The following GDPD2 variants were observed in gnomAD, a reference collection of about 807,000 sequenced individuals.
GDPD2 encodes the protein glycerophosphodiester phosphodiesterase 3.
A neutral mutation model predicts 49.2 loss-of-function variants in GDPD2; 23 were observed. That is an observed-to-expected ratio of 0.47 (90% CI 0.34 to 0.66). GDPD2 has a LOEUF of 0.66. Ranked by LOEUF, GDPD2 falls within the 30% of genes least tolerant of loss-of-function variation. GDPD2 has a pLI of 0.01. For missense variants in GDPD2, 338 were observed against 424.7 expected, an observed-to-expected ratio of 0.80 and a Z score of 1.79; for synonymous variants, 167 against 171.4, an observed-to-expected ratio of 0.97 and a Z score of 0.20.
chrX:70,430,952 ATTT>A (rs557583589), intron 12 of GDPD2: 2,435 of 366,389 alleles, frequency 6.6e-3, no homozygotes, highest in East Asian at 9.1e-3. Flanking sequence ...ATGCAAGGCT[ATTT>A]TTTTTTTTTT....
At chrX:70,430,952 ATTTT>A (rs557583589) in intron 12 of GDPD2, 237 of 375,841 alleles carry the variant, frequency 6.3e-4, no homozygotes, top group Admixed American at 9.6e-4. Context: ...ATGCAAGGCT[ATTTT>A]TTTTTTTTTT....
At chrX:70,428,545 CTT>C (rs2086447557) in intron 10 of GDPD2, among the ~76,000 whole-genome samples, 1 of 112,233 alleles carries the variant, frequency 8.9e-6, no homozygotes, top group African/African-American at 3.2e-5. Context: ...TACACAGACT[CTT>C]TTGCAATTTG....
In GDPD2 at chrX:70,425,790, G is replaced by T. The variant is rs761340605; in HGVS notation, c.237G>T (p.Trp79Cys). The change falls in exon 4 of 16, where the codon TGG becomes TGT. Residue 79 changes from tryptophan (W) to cysteine (C), a missense_variant. This residue lies in a region of GDPD2 where 75 missense variants were observed against 67.6 expected (regional missense o/e 1.11). Transcript: ENST00000374382. Reference protein sequence around the residue: ...NEFLFRRWGHWMDWSLAFLLV... With the variant: ...NEFLFRRWGHCMDWSLAFLLV... ...TCCTCTTCCGCCGCTGGGGACACTGGATGGACTGGTCCCTGGCATTCCTGC... is the reference window on the plus strand; with the variant it reads ...TCCTCTTCCGCCGCTGGGGACACTGTATGGACTGGTCCCTGGCATTCCTGC... 8.4e-7 allele frequency: 1 copy of T among 1,193,552 alleles called. No homozygotes were observed. The highest frequency in any genetic ancestry group is 1.1e-6 in the Non-Finnish European group (1 of 881,345).
At position 70,432,410 on chromosome X, in the gene GDPD2, G is replaced by A. The variant is rs1407642600; in HGVS notation, c.1411G>A (p.Asp471Asn). 19 of 1,208,914 alleles carry A rather than the reference G, an allele frequency of 1.6e-5. No homozygotes were observed. Among genetic ancestry groups the A allele is most frequent in the Admixed American group, 8.7e-5 (4 of 45,790 alleles). ...CAGVDSVTTN[D>N]CQLLQQMRYP... ...AGGGGTGGATTCGGTCACCACCAAC[G>A]ACTGCCAGCTGCTGCAGCAGATGCG... The change falls in exon 13 of 16, where the codon GAC becomes AAC. Residue 471 changes from aspartate (D) to asparagine (N), a missense_variant. Coordinates refer to ENST00000374382, the MANE Select transcript of GDPD2 (RefSeq NM_017711.4).
At chrX:70,429,336 T>C (rs779992828) in intron 10 of GDPD2, among the ~76,000 whole-genome samples, 157 bp from the exon 11 acceptor site, 1 of 110,705 alleles carries the variant, frequency 9.0e-6, no homozygotes, top group East Asian at 2.9e-4. Flanking sequence ...AGTAAGATGG[T>C]AGACGGTCTG....
In GDPD2 at chrX:70,428,092, T is replaced by TACACAC. The variant is rs10578514; in HGVS notation, c.936+652_936+657dup. On this transcript the variant is annotated intron_variant, in intron 10 of 15. Coordinates refer to ENST00000374382, the MANE Select transcript of GDPD2 (RefSeq NM_017711.4). ...GAAATATTCACTGTTAACAGTTGGA[T>TACACAC]ACACACACACACACACACACACACA... Among the ~76,000 whole-genome samples, 12 of 106,231 alleles carry TACACAC rather than the reference T, an allele frequency of 1.1e-4. 1 individual carries two copies. The South Asian group carries it at 2.2e-3, about 19-fold the overall frequency. The allele number at this position is 106,231 out of a possible 115,157, so 92.2% of individuals were successfully genotyped here.
In GDPD2 at chrX:70,427,363, C is replaced by T; in HGVS notation, c.836C>T (p.Thr279Met). ...CATGATGAGCACCTCAGCAGGACCA[C>T]GAATGTAGCCTCTGTATTCCCAACC... ...LMHDEHLSRTTNVASVFPTRI... is the reference protein window; with the variant it reads ...LMHDEHLSRTMNVASVFPTRI... The change falls in exon 10 of 16, where the codon ACG becomes ATG. Residue 279 changes from threonine (T) to methionine (M), a missense_variant. Around this residue, in one of 3 missense-constraint regions of GDPD2, gnomAD observed 253 missense variants for 330.4 expected, o/e 0.77. Transcript: ENST00000374382. The T allele has an allele frequency of 3.3e-6, 4 of 1,208,440 alleles. No individual in the cohort carries two copies. Among genetic ancestry groups the T allele is most frequent in the Non-Finnish European group, 4.5e-6 (4 of 892,781 alleles).
chrX:70,430,950 CTATT>C, intron 12 of GDPD2: 1 of 427,153 alleles, frequency 2.3e-6, no homozygotes, highest in African/African-American at 2.6e-5. Context: ...CTATGCAAGG[CTATT>C]TTTTTTTTTT....
chrX:70,432,322 T>C lies in GDPD2; in HGVS notation c.1323T>C (p.Asp441=). 8.3e-7 allele frequency: 1 copy of C among 1,207,849 alleles called. No homozygotes were observed. Among genetic ancestry groups the C allele is most frequent in the East Asian group, 3.0e-5 (1 of 33,824 alleles). Residue 441 remains aspartate, a synonymous_variant, in exon 13 of 16, where the codon GAT becomes GAC. Transcript: ENST00000374382. ...PLLDIKALHK[D]NVSVNLFVVN... is the part of the protein sequence containing the mutation. ...ACCTTCACAGGGCATTGCATAAGGA[T>C]AATGTCTCGGTGAACCTATTTGTAG...
At position 70,432,323 on chromosome X, in the gene GDPD2, A is replaced by G; in HGVS notation, c.1324A>G (p.Asn442Asp). 1.7e-6 allele frequency: 2 copies of G among 1,207,219 alleles called. No homozygotes were observed. The highest frequency in any genetic ancestry group is 2.2e-6 in the Non-Finnish European group (2 of 892,081). ...CCTTCACAGGGCATTGCATAAGGAT[A>G]ATGTCTCGGTGAACCTATTTGTAGT... ...LLDIKALHKD[N>D]VSVNLFVVNK... Residue 442 changes from asparagine to aspartate, a missense_variant, in exon 13 of 16, where the codon AAT becomes GAT. Physicochemically the swap from Asn to Asp is conservative, Grantham distance 23 (BLOSUM62 1). Around this residue, in one of 3 missense-constraint regions of GDPD2, gnomAD observed 253 missense variants for 330.4 expected, o/e 0.77. Transcript: ENST00000374382.
intron 3 of GDPD2, 49 bp downstream of exon 3, chrX:70,425,506 C>T (rs751224692): frequency 1.3e-5 from 12 of 893,135 alleles, no homozygotes; most frequent in Middle Eastern, 2.8e-4. Context: ...TCAACCTGCT[C>T]CCCACCCTGG....
chrX:70,431,351 G>A (rs752842784), intron 12 of GDPD2, among the ~76,000 whole-genome samples: 1 of 112,591 alleles, frequency 8.9e-6, no homozygotes, highest in African/African-American at 3.2e-5. Context: ...AATGCACCAG[G>A]GATAGATGGA....
intron 12 of GDPD2, chrX:70,431,048 A>G: frequency 2.1e-6 from 2 of 971,295 alleles, no homozygotes; most frequent in Non-Finnish European, 2.8e-6. Context: ...TCGGCCTCCC[A>G]AAGTGCTGGG....
intron 14 of GDPD2, 61 bp from the exon 15 acceptor site, chrX:70,432,851 G>C: frequency 2.1e-6 from 2 of 947,259 alleles, no homozygotes; most frequent in South Asian, 2.0e-5. Context: ...GCAGGTGTGG[G>C]GGCTGGAAGG....
chrX:70,428,490 C>T (rs769021851), intron 10 of GDPD2, among the ~76,000 whole-genome samples: 5 of 112,231 alleles, frequency 4.5e-5, no homozygotes, highest in Admixed American at 9.5e-5. Context: ...CATCTGCATA[C>T]ACAAACTCTC....
At position 70,427,483 on chromosome X, in the gene GDPD2, A is replaced by G. The variant is rs780314677; in HGVS notation, c.936+20A>G. ...CTAGAGGTGAGGACAGCCTCTGCAAAGAGGCAGCCATCTGCAGGGACACTC... is the reference window on the plus strand; with the variant it reads ...CTAGAGGTGAGGACAGCCTCTGCAAGGAGGCAGCCATCTGCAGGGACACTC... On this transcript the variant is annotated intron_variant, in intron 10 of 15. Transcript: ENST00000374382. The G allele has an allele frequency of 8.5e-7, 1 of 1,181,794 alleles. No homozygotes were observed. The highest frequency in any genetic ancestry group is 1.1e-6 in the Non-Finnish European group (1 of 871,407).
At position 70,432,955 on chromosome X, in the gene GDPD2, C is replaced by T. The variant is rs2086491441; in HGVS notation, c.1567+15C>T. 3 of 1,181,571 alleles carry T rather than the reference C, an allele frequency of 2.5e-6. No individual in the cohort carries two copies. Among genetic ancestry groups the T allele is most frequent in the African/African-American group, 1.8e-5 (1 of 56,464 alleles). On this transcript the variant is annotated intron_variant, in intron 15 of 15. Transcript: ENST00000374382. Reference sequence around the variant, plus strand: ...AGGGAAAACTGGTAAGAACTTTCTCCCCTCACCTCATGTTTCTCCTCCTGT... The same window carrying T: ...AGGGAAAACTGGTAAGAACTTTCTCTCCTCACCTCATGTTTCTCCTCCTGT...
chrX:70,424,861 G>A, intron 1 of GDPD2, 115 bp from the exon 2 acceptor site: 1 of 479,006 alleles, frequency 2.1e-6, no homozygotes, highest in South Asian at 3.6e-5. Context: ...GACCTCCGTT[G>A]CTGAGCAGCG....
chrX:70,424,461 C>A (rs1569258382), intron 1 of GDPD2, among the ~76,000 whole-genome samples: 4 of 111,943 alleles, frequency 3.6e-5, no homozygotes, highest in African/African-American at 9.7e-5. Context: ...GCTGGGCCTT[C>A]CTTAGCCCCA....
Sources: allele counts gnomAD v4.1 joint callset (sites outside exome capture counted in the v4.1 genomes callset), GRCh38; gene constraint gnomAD v4.1.1; regional missense constraint gnomAD v4.1.1; transcripts MANE v1.5; gene names NCBI Gene and HGNC (gene_info 2026-07-23, HGNC 2026-07-21).